Variants in ITGAV observed in about 807,000 individuals in gnomAD.
The protein encoded by ITGAV is integrin alpha-V.
A neutral mutation model predicts 143.8 loss-of-function variants in ITGAV; 76 were observed. The ratio of observed to expected loss-of-function variants is 0.53; its 90% CI spans 0.44 to 0.64. The LOEUF (loss-of-function observed/expected upper bound fraction) is 0.64, where lower values mean the gene tolerates loss of function less well. Ranked by LOEUF, ITGAV falls within the 30% of genes least tolerant of loss-of-function variation. The pLI is 0.00. For missense variants in ITGAV, 1,193 were observed against 1,274.7 expected (o/e 0.94, Z 0.98); for synonymous variants, 453 against 446.7 (o/e 1.01, Z -0.18).
intron 18 of ITGAV, among the ~76,000 whole-genome samples, chr2:186,662,855 A>G (rs1239669558): frequency 6.6e-6 from 1 of 152,134 alleles, no homozygotes; most frequent in African/African-American, 2.4e-5. Context: ...GAAGTTTACA[A>G]TCATCATCCT....
chr2:186,598,371 C>T (rs549399633), intron 1 of ITGAV, among the ~76,000 whole-genome samples: 7 of 150,262 alleles, frequency 4.7e-5, no homozygotes, highest in South Asian at 2.1e-4. Flanking sequence ...GAAAAAGAAC[C>T]GATGGGGTTT....
intron 12 of ITGAV, among the ~76,000 whole-genome samples, chr2:186,645,109 G>A (rs1363350911): frequency 6.6e-6 from 1 of 152,164 alleles, no homozygotes; most frequent in Non-Finnish European, 1.5e-5. Context: ...CATAGAATAA[G>A]TAAACAATGG....
intron 15 of ITGAV, among the ~76,000 whole-genome samples, chr2:186,652,931 A>ATTTTTTTTTTTTTTTTTTTTTT (rs35139936): frequency 1.2e-5 from 1 of 82,422 alleles, no homozygotes; most frequent in Non-Finnish European, 2.2e-5. Context: ...TTCATTATAG[A>ATTTTTTTTTTTTTTTTTTTTTT]TTTTTTTTTT....
intron 14 of ITGAV, among the ~76,000 whole-genome samples, chr2:186,650,716 T>C (rs986503855): frequency 6.6e-6 from 1 of 151,732 alleles, no homozygotes; most frequent in African/African-American, 2.4e-5. Flanking sequence ...ACCTGGCTAA[T>C]TTTATGTATT....
rs1033353006 is a variant in ITGAV, at chr2:186,590,098, G to T, written c.-241G>T. 7 of 400,142 alleles carry T rather than the reference G, an allele frequency of 1.7e-5. No homozygotes were observed. Among genetic ancestry groups the T allele is most frequent in the African/African-American group, 1.3e-4 (6 of 47,546 alleles). The allele number at this position is 400,142 out of a possible 1,614,324, so 24.8% of individuals were successfully genotyped here. On this transcript the variant is annotated 5_prime_UTR_variant, in exon 1 of 30. Coordinates refer to ENST00000261023, the MANE Select transcript of ITGAV (RefSeq NM_002210.5). ...GCTGCGTGGAGCGGCGGAGCCGGAG[G>T]GAAGCAAAGGACCGTCTGCGCTGCT...
At position 186,630,869 on chromosome 2, in the gene ITGAV, AT is replaced by A; in HGVS notation, c.585+14del. ...ATTGATTTTACTAAAGTAAGTTCTTATTTAAGACTGAATGAGATTCACATCT... is the reference window on the plus strand; with the variant it reads ...ATTGATTTTACTAAAGTAAGTTCTTATTAAGACTGAATGAGATTCACATCT... On this transcript the variant is annotated intron_variant, in intron 5 of 29. Transcript: ENST00000261023. The A allele has an allele frequency of 6.8e-7, 1 of 1,476,220 alleles. No individual in the cohort carries two copies. The highest frequency in any genetic ancestry group is 9.4e-7 in the Non-Finnish European group (1 of 1,058,572). The allele number at this position is 1,476,220 out of a possible 1,614,324, so 91.4% of individuals were successfully genotyped here.
intron 8 of ITGAV, among the ~76,000 whole-genome samples, chr2:186,637,378 G>A (rs939141354): frequency 1.3e-5 from 2 of 151,760 alleles, no homozygotes; most frequent in African/African-American, 4.8e-5. Context: ...TTCTCAGGAG[G>A]CTGAGGTGGG....
At chr2:186,634,378 A>G (rs1303982005) in intron 6 of ITGAV, among the ~76,000 whole-genome samples, 1 of 152,220 alleles carries the variant, frequency 6.6e-6, no homozygotes, top group East Asian at 1.9e-4. Flanking sequence ...GAAGAATTAG[A>G]AAACCTTTGA....
At chr2:186,598,432 T>C (rs1457377101) in intron 1 of ITGAV, among the ~76,000 whole-genome samples, 2 of 128,102 alleles carry the variant, frequency 1.6e-5, no homozygotes, top group African/African-American at 3.0e-5. Flanking sequence ...CTCTTACTCA[T>C]AGCATTTTTT....
At chr2:186,631,195 T>G (rs1366798550) in intron 5 of ITGAV, among the ~76,000 whole-genome samples, 1 of 152,170 alleles carries the variant, frequency 6.6e-6, no homozygotes, top group East Asian at 1.9e-4. Flanking sequence ...TATTTTTAAT[T>G]AAAGTTGTTT....
intron 14 of ITGAV, among the ~76,000 whole-genome samples, chr2:186,651,579 G>A (rs1559060006): frequency 1.3e-5 from 2 of 150,800 alleles, no homozygotes; most frequent in African/African-American, 4.9e-5. Context: ...TACTTTTTGG[G>A]TTTTTTTTTC....
chr2:186,652,975 G>T (rs1299497234), intron 15 of ITGAV, among the ~76,000 whole-genome samples: 11 of 109,120 alleles, frequency 1.0e-4, no homozygotes, highest in African/African-American at 4.0e-4. Context: ...GTCTCGCTCT[G>T]TCGCCCAGGC....
chr2:186,656,057 T>G lies in ITGAV; in HGVS notation c.1565-190T>G, dbSNP rs573346715. ...CTTTAGGGAAAGTTTGATTAATTAT[T>G]TAATTATTATTAAATATTTTTTCAG... On this transcript the variant is annotated intron_variant, in intron 16 of 29. Transcript: ENST00000261023. Among the ~76,000 whole-genome samples the G allele has an allele frequency of 1.3e-4, 20 of 151,704 alleles. No homozygotes were observed. In the South Asian group the frequency reaches 4.2e-3, roughly 31 times the overall value.
chr2:186,642,472 T>TA (rs1364869209), intron 12 of ITGAV, among the ~76,000 whole-genome samples: 1 of 152,178 alleles, frequency 6.6e-6, no homozygotes, highest in Non-Finnish European at 1.5e-5. Flanking sequence ...TGTCATTTAC[T>TA]AGATGTGTCA....
chr2:186,668,410 G>C, intron 24 of ITGAV: 1 of 222,450 alleles, frequency 4.5e-6, no homozygotes, highest in Non-Finnish European at 8.8e-6. Context: ...ATTTTTAGTA[G>C]GGACAGGGTT....
chr2:186,640,070 A>G (rs1471811152), intron 10 of ITGAV, among the ~76,000 whole-genome samples: 1 of 152,202 alleles, frequency 6.6e-6, no homozygotes, highest in African/African-American at 2.4e-5. Flanking sequence ...ATCAAATTTG[A>G]GAAGCATTGC....
intron 2 of ITGAV, among the ~76,000 whole-genome samples, chr2:186,619,394 T>G (rs12472395): frequency 2.0e-4 from 31 of 152,104 alleles, no homozygotes; most frequent in Admixed American, 2.0e-3. Context: ...TACTAGAGGC[T>G]GGGAAAGGTA....
Position 186,602,072 on chromosome 2 carries a change from G to C in ITGAV, c.237G>C (p.Gly79=). The C allele has an allele frequency of 6.2e-7, 1 of 1,613,370 alleles. No individual in the cohort carries two copies. Among genetic ancestry groups the C allele is most frequent in the Non-Finnish European group, 8.5e-7 (1 of 1,179,568 alleles). ...GAPKANTTQP[G]IVEGGQVLKC... ...CCAAAGCAAACACCACCCAGCCTGG[G>C]ATTGTGGAAGGAGGGCAGGTCCTCA... Residue 79 remains glycine, a synonymous_variant, in exon 2 of 30, where the codon GGG becomes GGC. Transcript: ENST00000261023.
In ITGAV at chr2:186,666,835, T is replaced by G. The variant is rs756648930; in HGVS notation, c.2246+52T>G. ...TAACTATCAAATAAATATTATTTGT[T>G]GTAAATATACTATGTAATATACTTT... On this transcript the variant is annotated intron_variant, in intron 22 of 29. Transcript: ENST00000261023. 21 of 963,220 alleles carry G rather than the reference T, an allele frequency of 2.2e-5. No individual in the cohort carries two copies. In the African/African-American group the frequency reaches 2.7e-4, roughly 12 times the overall value. The allele number at this position is 963,220 out of a possible 1,614,324, so 59.7% of individuals were successfully genotyped here. A position where few individuals can be genotyped will look rare whatever the true frequency, so the allele number is the denominator to read the frequency against.
Sources: allele counts gnomAD v4.1 joint callset (sites outside exome capture counted in the v4.1 genomes callset), GRCh38; gene constraint gnomAD v4.1.1; transcripts MANE v1.5; gene names NCBI Gene and HGNC (gene_info 2026-07-23, HGNC 2026-07-21).